SYNE1: variants seen among roughly 807,000 people sequenced by gnomAD.
SYNE1 encodes spectrin repeat containing nuclear envelope protein 1, also known as nesprin-1.
Under a neutral mutation model 1,111.0 loss-of-function variants are expected in SYNE1, and 616 were observed. That is an observed-to-expected ratio of 0.55 (90% CI 0.52 to 0.59). SYNE1 has a LOEUF of 0.59. Among genes scored for constraint, SYNE1 ranks in the 20% least tolerant of loss-of-function variants. The pLI is 0.00. For synonymous variants in SYNE1, 3,855 were observed against 3,825.8 expected, an observed-to-expected ratio of 1.01 and a Z score of -0.28; for missense variants, 10,006 against 10,417.0, an observed-to-expected ratio of 0.96 and a Z score of 1.72.
chr6:152,438,825 A>G (rs1223750086), intron 32 of SYNE1, among the ~76,000 whole-genome samples: 1 of 152,242 alleles, frequency 6.6e-6, no homozygotes, highest in Admixed American at 6.5e-5. Context: ...GCAAAGAACT[A>G]CAGGAGAACA....
At position 152,121,857 on chromosome 6, in the gene SYNE1, A is replaced by G. The variant is rs2051461321; in HGVS notation, c.*579T>C. 1 of 154,232 alleles carries G rather than the reference A, an allele frequency of 6.5e-6. No homozygotes were observed. The allele number at this position is 154,232 out of a possible 1,614,324, so 9.6% of individuals were successfully genotyped here. On this transcript the variant is annotated 3_prime_UTR_variant, in exon 146 of 146. Transcript: ENST00000367255. ...CATCTAGTTTTTCTTTATACCTCTA[A>G]AAAAAAGTGCCTTTTAGATTTACAG...
At chr6:152,358,783 G>A (rs953430496) in intron 65 of SYNE1, among the ~76,000 whole-genome samples, 1 of 152,098 alleles carries the variant, frequency 6.6e-6, no homozygotes, top group African/African-American at 2.4e-5. Flanking sequence ...CTTATAAAAT[G>A]TAACAGGCTA....
chr6:152,611,564 C>T (rs1458424012), intron 3 of SYNE1, among the ~76,000 whole-genome samples: 1 of 152,094 alleles, frequency 6.6e-6, no homozygotes, highest in Non-Finnish European at 1.5e-5. Flanking sequence ...TTTAACACCC[C>T]ACTGTCAACA....
intron 104 of SYNE1, among the ~76,000 whole-genome samples, chr6:152,253,086 A>G (rs2089790620): frequency 6.6e-6 from 1 of 152,226 alleles, no homozygotes; most frequent in African/African-American, 2.4e-5. Context: ...TAGCAGTGCC[A>G]CTGACTCAGG....
chr6:152,219,288 G>A (rs893309966), intron 119 of SYNE1, 103 bp from the exon 120 acceptor site: 71 of 1,125,122 alleles, frequency 6.3e-5, no homozygotes, highest in Non-Finnish European at 8.4e-5. Context: ...CCATTCCTAC[G>A]GATCATATTA....
intron 5 of SYNE1, among the ~76,000 whole-genome samples, chr6:152,522,983 T>C (rs1391301888): frequency 6.6e-6 from 1 of 152,194 alleles, no homozygotes; most frequent in Non-Finnish European, 1.5e-5. Flanking sequence ...TTTGCAAATA[T>C]TTTCTCCCAT....
chr6:152,247,750 T>TATATATACACACAC (rs1432898834), intron 105 of SYNE1, among the ~76,000 whole-genome samples: 1 of 112,376 alleles, frequency 8.9e-6, no homozygotes, highest in Non-Finnish European at 1.7e-5. Flanking sequence ...TATATATATA[T>TATATATACACACAC]ACACACACAC....
In SYNE1 at chr6:152,365,022, G is replaced by A. The variant is rs370060383; in HGVS notation, c.9973-3C>T. On this transcript the variant is annotated splice_polypyrimidine_tract_variant and splice_region_variant and intron_variant, in intron 62 of 145. Coordinates refer to ENST00000367255, the MANE Select transcript of SYNE1 (RefSeq NM_182961.4). ...TCCTGTTTGACTGATAATAGAGCCT[G>A]TGAAAACACATACAGAAGTCCTTTG... The A allele has an allele frequency of 6.2e-7, 1 of 1,614,050 alleles. No individual in the cohort carries two copies. Among genetic ancestry groups the A allele is most frequent in the African/African-American group, 1.3e-5 (1 of 74,926 alleles).
At position 152,329,842 on chromosome 6, in the gene SYNE1, T is replaced by G; in HGVS notation, c.14843A>C (p.Glu4948Ala). 6.2e-7 allele frequency: 1 copy of G among 1,614,164 alleles called. No individual in the cohort carries two copies. Among genetic ancestry groups the G allele is most frequent in the South Asian group, 1.1e-5 (1 of 91,086 alleles). ...CTTGGCCTTTGTGAACTTCTCCTTTTCCTTGTGACTCAGCGCATTCATGAT... is the reference window on the plus strand; with the variant it reads ...CTTGGCCTTTGTGAACTTCTCCTTTGCCTTGTGACTCAGCGCATTCATGAT... ...LRIMNALSHK[E>A]KEKFTKAKEL... The change falls in exon 78 of 146, where the codon GAA (glutamate) becomes GCA (alanine). Residue 4948 changes from glutamate to alanine, a missense_variant. Glu to Ala is a moderately radical substitution (Grantham distance 107, BLOSUM62 -1). Transcript: ENST00000367255.
chr6:152,429,086 GTAATAATAATAA>G (rs3046242), intron 36 of SYNE1, among the ~76,000 whole-genome samples: 17 of 144,688 alleles, frequency 1.2e-4, no homozygotes, highest in African/African-American at 2.8e-4. Flanking sequence ...TATCTCAATA[GTAATAATAATAA>G]TAATAATAAT....
chr6:152,339,843 C>G (rs2096493086), intron 74 of SYNE1, among the ~76,000 whole-genome samples: 1 of 152,162 alleles, frequency 6.6e-6, no homozygotes, highest in African/African-American at 2.4e-5. Context: ...TTGTATTATT[C>G]TCTTTCCACA....
intron 76 of SYNE1, chr6:152,336,551 C>T (rs1023978345): frequency 6.5e-5 from 30 of 458,758 alleles, no homozygotes; most frequent in Non-Finnish European, 1.1e-4. Flanking sequence ...GCGCAGTTCA[C>T]AGTAGGGTTT....
intron 100 of SYNE1, among the ~76,000 whole-genome samples, chr6:152,262,616 T>C (rs1455861692): frequency 1.3e-5 from 2 of 151,250 alleles, no homozygotes; most frequent in Non-Finnish European, 2.9e-5. Flanking sequence ...CACAGAGAAA[T>C]AGTACAGGGC....
chr6:152,510,420 T>C, intron 7 of SYNE1, 49 bp from the exon 8 acceptor site: 1 of 1,590,686 alleles, frequency 6.3e-7, no homozygotes, highest in African/African-American at 1.3e-5. Flanking sequence ...ATCTTTGTTA[T>C]TATTTCCTCA....
intron 124 of SYNE1, 60 bp downstream of exon 124, chr6:152,211,434 A>G: frequency 2.7e-6 from 4 of 1,459,522 alleles, no homozygotes; most frequent in Non-Finnish European, 3.8e-6. Flanking sequence ...TCTGCTCATT[A>G]AAAAGAAAAT....
chr6:152,436,345 A>G (rs1340097961), intron 32 of SYNE1, among the ~76,000 whole-genome samples: 1 of 152,032 alleles, frequency 6.6e-6, no homozygotes, highest in Non-Finnish European at 1.5e-5. Flanking sequence ...TCTTTTGCCC[A>G]TGCTGGAATG....
Position 152,502,753 on chromosome 6 carries a change from A to G in SYNE1, c.779-11T>C, listed in dbSNP as rs761192912. 134 of 1,578,538 alleles carry G rather than the reference A, an allele frequency of 8.5e-5. No individual in the cohort carries two copies. Among genetic ancestry groups the G allele is most frequent in the Non-Finnish European group, 1.1e-4 (123 of 1,148,300 alleles). ...TATCCACATCAACGTCTGAAAAAAC[A>G]AAAAAGAAATGTGAATAAACTAATT... On this transcript the variant is annotated splice_polypyrimidine_tract_variant and intron_variant, in intron 9 of 145. Coordinates refer to ENST00000367255, the MANE Select transcript of SYNE1 (RefSeq NM_182961.4).
chr6:152,354,919 T>TC lies in SYNE1; in HGVS notation c.10665_10666insG (p.Arg3556GlufsTer40). 6.2e-7 allele frequency: 1 copy of TC among 1,614,150 alleles called. No individual in the cohort carries two copies. Among genetic ancestry groups the TC allele is most frequent in the Non-Finnish European group, 8.5e-7 (1 of 1,180,030 alleles). On this transcript the variant is annotated frameshift_variant, in exon 67 of 146. Coordinates refer to ENST00000367255, the MANE Select transcript of SYNE1 (RefSeq NM_182961.4). LOFTEE classifies it high-confidence loss of function. Reference sequence around the variant, plus strand: ...ATACCTGATGGGATCACATCCTCTCTGGTGTGCAGCACTGAGTTCAACAGG... The same window carrying TC: ...ATACCTGATGGGATCACATCCTCTCTCGGTGTGCAGCACTGAGTTCAACAGG...
chr6:152,369,109 G>T lies in SYNE1; in HGVS notation c.9670C>A (p.His3224Asn). 1.2e-6 allele frequency: 2 copies of T among 1,613,698 alleles called. No individual in the cohort carries two copies. The highest frequency in any genetic ancestry group is 1.7e-6 in the Non-Finnish European group (2 of 1,180,034). Residue 3224 changes from histidine to asparagine, a missense_variant, in exon 61 of 146, where the codon CAC becomes AAC. Physicochemically the swap from His to Asn is moderately conservative, Grantham distance 68 (BLOSUM62 1). Around this residue, in one of 7 missense-constraint regions of SYNE1, gnomAD observed 4,955 missense variants for 5,017.2 expected, o/e 0.99. Transcript: ENST00000367255. ...CTGTTGAGCTGAGGCTCGTAGCAGT[G>T]TATTTCCTCAAGGACAGACTGAAAA... ...QKLQSVLEEI[H>N]CYEPQLNRLK... is the part of the protein sequence containing the mutation.
Sources: allele counts gnomAD v4.1 joint callset (sites outside exome capture counted in the v4.1 genomes callset), GRCh38; gene constraint gnomAD v4.1.1; regional missense constraint gnomAD v4.1.1; transcripts MANE v1.5; gene names NCBI Gene and HGNC (gene_info 2026-07-23, HGNC 2026-07-21).